BNIP1: variants seen among roughly 807,000 people sequenced by gnomAD.
BNIP1 encodes BCL2 interacting protein 1.
A neutral mutation model predicts 28.5 loss-of-function variants in BNIP1; 25 were observed. That is an observed-to-expected ratio of 0.88 (90% CI 0.64 to 1.23). The LOEUF (loss-of-function observed/expected upper bound fraction) is 1.23, where lower values mean the gene tolerates loss of function less well. Ranked by LOEUF, BNIP1 falls within the 50% of genes most tolerant of loss-of-function variation. BNIP1 has a pLI of 0.00. For missense variants in BNIP1, 276 were observed against 277.0 expected (o/e 1.00, Z 0.02); for synonymous variants, 118 against 101.7 (o/e 1.16, Z -0.96).
intron 2 of BNIP1, among the ~76,000 whole-genome samples, chr5:173,147,391 C>T (rs1759871480): frequency 6.6e-6 from 1 of 151,412 alleles, no homozygotes; most frequent in Non-Finnish European, 1.5e-5. Flanking sequence ...GGCGACAGAG[C>T]GAGACTCTGT....
chr5:173,148,079 AAAAAATATATATATAT>A (rs1759899269), intron 2 of BNIP1, among the ~76,000 whole-genome samples: 1 of 49,696 alleles, frequency 2.0e-5, no homozygotes. Flanking sequence ...AAAAAAAAAA[AAAAAATATATATATAT>A]ATATATATAT....
At chr5:173,159,873 CCT>C in intron 4 of BNIP1, 58 bp from the exon 5 acceptor site, 3 of 1,374,528 alleles carry the variant, frequency 2.2e-6, no homozygotes, top group Non-Finnish European at 3.1e-6. Flanking sequence ...GGATGTGGGG[CCT>C]TCTTGCAGGG....
At chr5:173,161,009 A>G in intron 5 of BNIP1, 1 of 362,992 alleles carries the variant, frequency 2.8e-6, no homozygotes, top group South Asian at 2.1e-5. Context: ...GGAAAATTGC[A>G]CACGTGGACA....
intron 5 of BNIP1, among the ~76,000 whole-genome samples, chr5:173,163,271 G>A (rs1561600802): frequency 1.3e-5 from 2 of 152,186 alleles, no homozygotes; most frequent in Admixed American, 6.5e-5. Context: ...TTGAGATCCT[G>A]CAAAGTGCCG....
chr5:173,160,793 T>G, intron 5 of BNIP1: 1 of 456,150 alleles, frequency 2.2e-6, no homozygotes, highest in Non-Finnish European at 4.4e-6. Context: ...CAGTTTACAA[T>G]TATACTCCCC....
chr5:173,162,877 T>C (rs1294937483), intron 5 of BNIP1, among the ~76,000 whole-genome samples: 11 of 152,160 alleles, frequency 7.2e-5, no homozygotes, highest in African/African-American at 2.7e-4. Context: ...ACCAGTGTCT[T>C]AAAAAATATC....
chr5:173,156,870 G>A (rs551568734), intron 3 of BNIP1, among the ~76,000 whole-genome samples: 5 of 151,210 alleles, frequency 3.3e-5, no homozygotes, highest in Non-Finnish European at 5.9e-5. Flanking sequence ...GGACGGTCTC[G>A]ATCACCTGAC....
Position 173,163,800 on chromosome 5 carries a change from A to C in BNIP1, c.566A>C (p.Lys189Thr). The change falls in exon 6 of 6, where the codon AAG becomes ACG. Residue 189 changes from lysine (K) to threonine (T), a missense_variant. Lys to Thr is a moderately conservative substitution (Grantham distance 78). Coordinates refer to ENST00000351486, the MANE Select transcript of BNIP1 (RefSeq NM_001205.3). The part of the protein sequence containing the change: ...SMSGTIQLGR[K>T]LITKYNRREL... ...TCGGGCACCATCCAGCTGGGCCGGA[A>C]GCTTATCACAAAATACAATCGCCGG... The C allele has an allele frequency of 6.2e-7, 1 of 1,614,008 alleles. No homozygotes were observed. The highest frequency in any genetic ancestry group is 1.3e-5 in the African/African-American group (1 of 75,070).
chr5:173,152,259 T>C (rs1431131918), intron 2 of BNIP1, among the ~76,000 whole-genome samples: 5 of 152,250 alleles, frequency 3.3e-5, no homozygotes, highest in Non-Finnish European at 7.3e-5. Flanking sequence ...CATTCTTCCA[T>C]TCAGTGACTC....
At chr5:173,151,115 G>A (rs536605741) in intron 2 of BNIP1, among the ~76,000 whole-genome samples, 8 of 151,954 alleles carry the variant, frequency 5.3e-5, no homozygotes, top group South Asian at 4.2e-4. Flanking sequence ...GATTACAGGC[G>A]TGAGCCACCG....
At chr5:173,154,202 G>A in intron 2 of BNIP1, 120 bp from the exon 3 acceptor site, 1 of 747,180 alleles carries the variant, frequency 1.3e-6, no homozygotes, top group Non-Finnish European at 2.2e-6. Context: ...ATTCCTAGGT[G>A]TTCTGTTTTA....
intron 5 of BNIP1, chr5:173,161,919 A>G (rs1379713607): frequency 6.6e-6 from 1 of 152,244 alleles, no homozygotes; most frequent in Non-Finnish European, 1.5e-5. Flanking sequence ...AGGGTTTTGA[A>G]ATCGCAGCAG....
intron 3 of BNIP1, among the ~76,000 whole-genome samples, chr5:173,157,420 C>CT (rs796408850): frequency 0.011 from 1,569 of 146,330 alleles, 32 homozygotes; most frequent in African/African-American, 0.036. Context: ...GTCAACATTT[C>CT]TTTTTTTTTT....
chr5:173,147,452 T>A (rs1030942387), intron 2 of BNIP1, among the ~76,000 whole-genome samples: 2 of 152,068 alleles, frequency 1.3e-5, no homozygotes, highest in Non-Finnish European at 1.5e-5. Flanking sequence ...GCCAGCTGTG[T>A]GAACGAGTGA....
At chr5:173,148,134 AT>A (rs1759918346) in intron 2 of BNIP1, among the ~76,000 whole-genome samples, 1 of 99,570 alleles carries the variant, frequency 1.0e-5, no homozygotes, top group African/African-American at 4.0e-5. Flanking sequence ...ATATATATAT[AT>A]ATTTTAATAG....
intron 1 of BNIP1, 135 bp downstream of exon 1, chr5:173,144,764 A>AC (rs1000062343): frequency 4.9e-5 from 41 of 842,118 alleles, no homozygotes; most frequent in South Asian, 2.7e-4. Context: ...ATGGTCGGCT[A>AC]CCCCCCCGGT....
intron 5 of BNIP1, among the ~76,000 whole-genome samples, chr5:173,160,513 C>T (rs1029657133): frequency 3.3e-5 from 5 of 152,148 alleles, no homozygotes; most frequent in South Asian, 2.1e-4. Context: ...GGATTATAGG[C>T]GTGAGATGCC....
chr5:173,146,926 G>C lies in BNIP1; in HGVS notation c.145G>C (p.Glu49Gln). Residue 49 changes from glutamate to glutamine, a missense_variant, in exon 2 of 6, where the codon GAG becomes CAG. Glu to Gln is a conservative substitution (Grantham distance 29). Coordinates refer to ENST00000351486, the MANE Select transcript of BNIP1 (RefSeq NM_001205.3). The stretch of plus-strand genomic sequence containing the variant: ...TACTGAACTGAATACTAAAGTAAAA[G>C]AGAAATTTCAACAGTTGCGTCACAG... ...ALTELNTKVK[E>Q]KFQQLRHRIQ... 1 of 1,613,952 alleles carries C rather than the reference G, an allele frequency of 6.2e-7. No individual in the cohort carries two copies. Among genetic ancestry groups the C allele is most frequent in the South Asian group, 1.1e-5 (1 of 91,068 alleles).
At chr5:173,153,396 T>A (rs1760079295) in intron 2 of BNIP1, among the ~76,000 whole-genome samples, 1 of 151,968 alleles carries the variant, frequency 6.6e-6, no homozygotes, top group African/African-American at 2.4e-5. Flanking sequence ...CCCGGCTAAT[T>A]TTTTGTATTT....
Sources: allele counts gnomAD v4.1 joint callset (sites outside exome capture counted in the v4.1 genomes callset), GRCh38; gene constraint gnomAD v4.1.1; transcripts MANE v1.5; gene names NCBI Gene and HGNC (gene_info 2026-07-23, HGNC 2026-07-21).